The following SV2C variants were observed in gnomAD, a reference collection of about 807,000 sequenced individuals.
The protein encoded by SV2C is synaptic vesicle glycoprotein 2C.
Under a neutral mutation model 79.7 loss-of-function variants are expected in SV2C, and 49 were observed. That is an observed-to-expected ratio of 0.61 (90% CI 0.49 to 0.78). SV2C has a LOEUF of 0.78. Among genes scored for constraint, SV2C ranks in the 30% least tolerant of loss-of-function variants. The pLI is 0.00. For synonymous variants in SV2C, 334 were observed against 333.2 expected, an observed-to-expected ratio of 1.00 and a Z score of -0.03; for missense variants, 833 against 912.9, an observed-to-expected ratio of 0.91 and a Z score of 1.13.
the SV2C span, among the ~76,000 whole-genome samples, chr5:75,972,379 A>C: frequency 1.3e-5 from 2 of 152,120 alleles, no homozygotes; most frequent in African/African-American, 4.8e-5. Flanking sequence ...CTACCATCAG[A>C]GTGAACAGGC....
chr5:76,287,649 C>T (rs957553853), intron 6 of SV2C, among the ~76,000 whole-genome samples: 3 of 152,228 alleles, frequency 2.0e-5, no homozygotes, highest in Admixed American at 6.5e-5. Flanking sequence ...CTGCTGTTCC[C>T]TCTGCATGGA....
chr5:76,276,963 T>C (rs1056206709), intron 4 of SV2C, among the ~76,000 whole-genome samples: 4 of 152,080 alleles, frequency 2.6e-5, no homozygotes, highest in Non-Finnish European at 5.9e-5. Context: ...CAGGCACATA[T>C]AGGCACTAAA....
chr5:75,991,551 G>A, the SV2C span, among the ~76,000 whole-genome samples: 3 of 144,370 alleles, frequency 2.1e-5, no homozygotes, highest in Non-Finnish European at 4.5e-5. Context: ...TATGATTCCA[G>A]CAGTTTCTTA....
In SV2C at chr5:76,320,381, A is replaced by G. The variant is rs1748790355; in HGVS notation, c.2001-4983A>G. Among the ~76,000 whole-genome samples, 6 of 152,294 alleles carry G rather than the reference A, an allele frequency of 3.9e-5. No individual in the cohort carries two copies. In the South Asian group the frequency reaches 8.3e-4, roughly 21 times the overall value. On this transcript the variant is annotated intron_variant, in intron 12 of 12. Transcript: ENST00000502798. ...TAATGATGGATACATGTCATTATAC[A>G]TGTGTCAAAACCCACAGAATGTACA...
intron 4 of SV2C, among the ~76,000 whole-genome samples, chr5:76,279,208 T>C (rs534608885): frequency 1.3e-5 from 2 of 152,290 alleles, no homozygotes; most frequent in South Asian, 4.2e-4. Context: ...ATGGTAACTT[T>C]GAGACACCCA....
the SV2C span, among the ~76,000 whole-genome samples, chr5:75,851,485 A>G: frequency 0.016 from 2,496 of 152,314 alleles, 61 homozygotes; most frequent in African/African-American, 0.056. Flanking sequence ...GCCCATGGTA[A>G]CACCATGAAA....
At chr5:76,190,684 G>A (rs1333599495) in intron 2 of SV2C, among the ~76,000 whole-genome samples, 1 of 152,152 alleles carries the variant, frequency 6.6e-6, no homozygotes, top group Non-Finnish European at 1.5e-5. Context: ...GTGTCACTGG[G>A]CCTCTATTGT....
the SV2C span, among the ~76,000 whole-genome samples, chr5:75,993,491 C>T: frequency 2.0e-5 from 3 of 151,998 alleles, no homozygotes; most frequent in Non-Finnish European, 4.4e-5. Context: ...AATGCTTTCA[C>T]CTTGGTAAGA....
intron 4 of SV2C, among the ~76,000 whole-genome samples, chr5:76,217,003 T>A (rs1461210888): frequency 6.6e-6 from 1 of 152,234 alleles, no homozygotes; most frequent in African/African-American, 2.4e-5. Flanking sequence ...CTGTGTGCAT[T>A]ACAGTGTGTA....
At chr5:76,351,067 C>T (rs910408236) in intron 12 of SV2C, among the ~76,000 whole-genome samples, 4 of 151,758 alleles carry the variant, frequency 2.6e-5, no homozygotes, top group African/African-American at 4.8e-5. Context: ...CAGGATGATG[C>T]ATCTGCATCA....
chr5:76,307,055 G>GT lies in SV2C; in HGVS notation c.2000+5516dup, dbSNP rs35249389. Among the ~76,000 whole-genome samples, 1,413 of 152,180 alleles carry GT rather than the reference G, an allele frequency of 9.3e-3. 15 individuals are homozygous for GT. The highest frequency in any genetic ancestry group is 0.022 in the Admixed American group (340 of 15,282). The stretch of plus-strand genomic sequence containing the variant: ...ATTGATTCCTCTGGTTGCTTTTCAG[G>GT]TTTTTTCTTTGCCTGCCATGGATTT... On this transcript the variant is annotated intron_variant, in intron 12 of 12. Transcript: ENST00000502798.
chr5:75,990,433 G>T, the SV2C span, among the ~76,000 whole-genome samples: 2 of 151,932 alleles, frequency 1.3e-5, no homozygotes, highest in Non-Finnish European at 2.9e-5. Flanking sequence ...TGCATCATGT[G>T]CACTGCGTGA....
At chr5:75,892,482 A>G in the SV2C span, among the ~76,000 whole-genome samples, 2 of 151,894 alleles carry the variant, frequency 1.3e-5, no homozygotes, top group Admixed American at 6.6e-5. Context: ...GGTTTGTTAC[A>G]TGGGTATATT....
At chr5:76,053,043 A>G in the SV2C span, among the ~76,000 whole-genome samples, 1 of 151,386 alleles carries the variant, frequency 6.6e-6, no homozygotes, top group Non-Finnish European at 1.5e-5. Flanking sequence ...ATTCCATACC[A>G]CACTCCGTAT....
At chr5:76,101,122 G>A (rs1372039749) in intron 1 of SV2C, among the ~76,000 whole-genome samples, 1 of 152,106 alleles carries the variant, frequency 6.6e-6, no homozygotes, top group Non-Finnish European at 1.5e-5. Flanking sequence ...TGCAGAGGTG[G>A]AGCACCCTGG....
intron 1 of SV2C, among the ~76,000 whole-genome samples, chr5:76,124,855 T>C (rs2112170476): frequency 6.6e-6 from 1 of 152,334 alleles, no homozygotes; most frequent in South Asian, 2.1e-4. Context: ...AAAATAAGCA[T>C]GCTTTGGTTT....
At chr5:76,312,551 C>T (rs1320695270) in intron 12 of SV2C, among the ~76,000 whole-genome samples, 2 of 152,180 alleles carry the variant, frequency 1.3e-5, no homozygotes, top group Non-Finnish European at 2.9e-5. Flanking sequence ...GCGTGCCCAG[C>T]CATTAGGGGC....
At chr5:76,057,919 G>A in the SV2C span, among the ~76,000 whole-genome samples, 1 of 152,088 alleles carries the variant, frequency 6.6e-6, no homozygotes, top group Non-Finnish European at 1.5e-5. Flanking sequence ...GAATTATTCA[G>A]TAATTTCTTT....
the SV2C span, among the ~76,000 whole-genome samples, chr5:76,050,505 G>A: frequency 6.6e-6 from 1 of 152,142 alleles, no homozygotes; most frequent in Non-Finnish European, 1.5e-5. Flanking sequence ...GAGAATGTTG[G>A]AATATGCATG....
Sources: gnomAD v4.1 joint callset for allele counts (sites outside exome capture counted in the v4.1 genomes callset) on GRCh38, gnomAD v4.1.1 for gene constraint, MANE v1.5 for transcripts, NCBI Gene and HGNC (gene_info 2026-07-23, HGNC 2026-07-21) for gene names.